The following TTLL11 variants were observed in gnomAD, a reference collection of about 807,000 sequenced individuals.
The protein encoded by TTLL11 is tubulin polyglutamylase TTLL11.
Under a neutral mutation model 51.7 loss-of-function variants are expected in TTLL11, and 42 were observed. The observed-to-expected ratio is 0.81, with a 90% CI of 0.64 to 1.05. TTLL11 has a LOEUF of 1.05. TTLL11 is among the 50% of genes least tolerant of loss of function. The pLI is 0.00. For synonymous variants in TTLL11, 381 were observed against 383.5 expected, an observed-to-expected ratio of 0.99 and a Z score of 0.08; for missense variants, 799 against 940.4, an observed-to-expected ratio of 0.85 and a Z score of 1.97.
chr9:121,870,657 C>T lies in TTLL11; in HGVS notation c.1573G>A (p.Ala525Thr). Residue 525 changes from alanine (A) to threonine (T), a missense_variant, in exon 7 of 9, where the codon GCC becomes ACC. Ala to Thr is a moderately conservative substitution (Grantham distance 58, BLOSUM62 0). Around this residue, in one of 3 missense-constraint regions of TTLL11, gnomAD observed 468 missense variants for 612.8 expected, o/e 0.76. Transcript: ENST00000321582. ...SAPDCNANPEAHLPSICLKQV... is the reference protein window; with the variant it reads ...SAPDCNANPETHLPSICLKQV... ...TTGAGGCAAATGGAAGGCAGGTGGG[C>T]TTCGGGGTTGGCGTTGCAGTCTGGA... The T allele has an allele frequency of 6.4e-7, 1 of 1,551,746 alleles. No homozygotes were observed. The highest frequency in any genetic ancestry group is 8.7e-7 in the Non-Finnish European group (1 of 1,147,010).
intron 3 of TTLL11, among the ~76,000 whole-genome samples, chr9:122,017,345 A>G (rs935582421): frequency 6.6e-6 from 1 of 152,106 alleles, no homozygotes; most frequent in Admixed American, 6.6e-5. Flanking sequence ...CCACTTTGAG[A>G]TATCTATCCA....
At chr9:121,929,296 T>TGTACA (rs763099329) in intron 6 of TTLL11, among the ~76,000 whole-genome samples, 58 of 152,012 alleles carry the variant, frequency 3.8e-4, no homozygotes, top group Admixed American at 1.4e-3. Flanking sequence ...AAAAATTAGC[T>TGTACA]GGGTGTGGTG....
At chr9:121,842,260 A>ATTTTT (rs1564268308) in intron 8 of TTLL11, among the ~76,000 whole-genome samples, 2 of 136,620 alleles carry the variant, frequency 1.5e-5, no homozygotes, top group African/African-American at 5.4e-5. Flanking sequence ...TTTTTTTTAA[A>ATTTTT]AAAAAAAGAC....
chr9:121,939,962 G>A (rs1339854895), intron 6 of TTLL11, among the ~76,000 whole-genome samples: 1 of 152,144 alleles, frequency 6.6e-6, no homozygotes, highest in South Asian at 2.1e-4. Context: ...TGGTGAGGAC[G>A]AGAGGTGAGT....
chr9:122,033,422 TTTC>T (rs1781652837), intron 2 of TTLL11, among the ~76,000 whole-genome samples: 1 of 152,198 alleles, frequency 6.6e-6, no homozygotes, highest in South Asian at 2.1e-4. Context: ...ATCATGCTTG[TTTC>T]TTAAGACAAA....
chr9:121,956,300 A>G (rs1842012592), intron 6 of TTLL11, among the ~76,000 whole-genome samples: 1 of 152,252 alleles, frequency 6.6e-6, no homozygotes, highest in Non-Finnish European at 1.5e-5. Flanking sequence ...TTGTTGTAAG[A>G]TGGTGTGATT....
chr9:121,893,264 G>A (rs1839327940), intron 6 of TTLL11, among the ~76,000 whole-genome samples: 1 of 151,788 alleles, frequency 6.6e-6, no homozygotes, highest in South Asian at 2.1e-4. Context: ...ATTCCATTAC[G>A]TACCTACGAC....
chr9:122,020,106 C>T (rs1251553596), intron 3 of TTLL11, among the ~76,000 whole-genome samples: 2 of 152,182 alleles, frequency 1.3e-5, no homozygotes, highest in African/African-American at 2.4e-5. Context: ...AGCTGTAAGC[C>T]GCCATGCCTG....
intron 1 of TTLL11, among the ~76,000 whole-genome samples, chr9:122,059,196 C>T (rs1845375602): frequency 6.6e-6 from 1 of 152,158 alleles, no homozygotes; most frequent in South Asian, 2.1e-4. Context: ...GATTCTAGTC[C>T]TAATTAATTA....
chr9:121,896,789 CG>C (rs1839542831), intron 6 of TTLL11, among the ~76,000 whole-genome samples: 4 of 152,174 alleles, frequency 2.6e-5, no homozygotes, highest in Non-Finnish European at 5.9e-5. Context: ...ATTTCGGAAA[CG>C]ATGCTGCGGC....
intron 1 of TTLL11, among the ~76,000 whole-genome samples, chr9:122,060,403 A>T (rs374808321): frequency 1.3e-5 from 2 of 152,202 alleles, no homozygotes; most frequent in African/African-American, 2.4e-5. Flanking sequence ...GGTTAGCTTC[A>T]CTGCTCAGAA....
chr9:121,896,789 C>T (rs1190649336), intron 6 of TTLL11, among the ~76,000 whole-genome samples: 1 of 152,174 alleles, frequency 6.6e-6, no homozygotes, highest in Admixed American at 6.5e-5. Flanking sequence ...ATTTCGGAAA[C>T]GATGCTGCGG....
chr9:122,004,759 A>C (rs1167807825), intron 3 of TTLL11, among the ~76,000 whole-genome samples: 1 of 152,238 alleles, frequency 6.6e-6, no homozygotes, highest in Non-Finnish European at 1.5e-5. Context: ...GGCCAGCCCC[A>C]GGGCCCAAGT....
intron 6 of TTLL11, among the ~76,000 whole-genome samples, chr9:121,891,823 T>C (rs1839245997): frequency 6.6e-6 from 1 of 151,914 alleles, no homozygotes; most frequent in East Asian, 1.9e-4. Flanking sequence ...CAATTCTCTC[T>C]GGTTGAACCT....
intron 6 of TTLL11, among the ~76,000 whole-genome samples, chr9:121,881,104 T>C (rs533078532): frequency 2.5e-4 from 38 of 152,346 alleles, no homozygotes; most frequent in Middle Eastern, 3.4e-3. Context: ...TCAGTGGTTG[T>C]ATTAGCCTCT....
At chr9:121,937,443 T>G (rs1413013002) in intron 6 of TTLL11, among the ~76,000 whole-genome samples, 1 of 152,236 alleles carries the variant, frequency 6.6e-6, no homozygotes, top group African/African-American at 2.4e-5. Flanking sequence ...CAAATTCATC[T>G]GACTCCAAAA....
chr9:121,972,608 T>C (rs1363015015), intron 6 of TTLL11, among the ~76,000 whole-genome samples: 1 of 152,232 alleles, frequency 6.6e-6, no homozygotes, highest in Non-Finnish European at 1.5e-5. Flanking sequence ...GCCGGCGCCA[T>C]CCAGCCTGAC....
intron 6 of TTLL11, among the ~76,000 whole-genome samples, chr9:121,877,657 G>A (rs114097933): frequency 0.016 from 2,505 of 152,188 alleles, 49 homozygotes; most frequent in Non-Finnish European, 0.022. Context: ...AAACACAATA[G>A]CGATGATATT....
chr9:122,042,813 A>G (rs1844882571), intron 1 of TTLL11, among the ~76,000 whole-genome samples: 1 of 152,250 alleles, frequency 6.6e-6, no homozygotes, highest in African/African-American at 2.4e-5. Flanking sequence ...TTAAATGCAT[A>G]TTACTAAATG....
Sources: allele counts gnomAD v4.1 joint callset (sites outside exome capture counted in the v4.1 genomes callset), GRCh38; gene constraint gnomAD v4.1.1; regional missense constraint gnomAD v4.1.1; transcripts MANE v1.5; gene names NCBI Gene and HGNC (gene_info 2026-07-23, HGNC 2026-07-21).